The following ZNF892 variants were observed in gnomAD, a reference collection of about 807,000 sequenced individuals.
ZNF892 encodes zinc finger protein 892.
chr2:95,252,487 G>A, the ZNF892 span, among the ~76,000 whole-genome samples: 4 of 152,112 alleles, frequency 2.6e-5, no homozygotes, highest in Non-Finnish European at 4.4e-5. Flanking sequence ...GTCTATCATT[G>A]TTGGACATTT....
At chr2:95,206,434 G>A in the ZNF892 span, among the ~76,000 whole-genome samples, 2 of 152,022 alleles carry the variant, frequency 1.3e-5, no homozygotes, top group Non-Finnish European at 2.9e-5. Flanking sequence ...GAGGAAGGGA[G>A]TTGATTAACT....
At chr2:95,252,064 C>A in the ZNF892 span, among the ~76,000 whole-genome samples, 1 of 152,160 alleles carries the variant, frequency 6.6e-6, no homozygotes, top group Non-Finnish European at 1.5e-5. Flanking sequence ...CAAAGGATTT[C>A]TCAGTGAGGC....
At chr2:95,239,853 C>T in the ZNF892 span, among the ~76,000 whole-genome samples, 14 of 152,176 alleles carry the variant, frequency 9.2e-5, no homozygotes, top group Non-Finnish European at 2.1e-4. Context: ...TTGTCTTGAA[C>T]TCCTGACCTC....
chr2:95,225,715 T>TA, the ZNF892 span, among the ~76,000 whole-genome samples: 6 of 152,206 alleles, frequency 3.9e-5, no homozygotes, highest in African/African-American at 1.4e-4. Flanking sequence ...ACTGATTTCA[T>TA]AATCAACTTC....
the ZNF892 span, among the ~76,000 whole-genome samples, chr2:95,217,706 C>T: frequency 6.6e-6 from 1 of 152,194 alleles, no homozygotes; most frequent in Non-Finnish European, 1.5e-5. Flanking sequence ...GCCTTCGTTT[C>T]GTCAGATCTT....
At chr2:95,207,819 G>A in the ZNF892 span, 3 of 398,712 alleles carry the variant, frequency 7.5e-6, no homozygotes, top group Middle Eastern at 6.3e-4. Context: ...AGTCTCCATG[G>A]AACCTGAGGG....
the ZNF892 span, among the ~76,000 whole-genome samples, chr2:95,250,671 ATAAATATAAACTATTCATAAATTATAAAT>A: frequency 1.9e-4 from 27 of 141,060 alleles, no homozygotes; most frequent in African/African-American, 6.8e-4. Flanking sequence ...TTATAAATTT[ATAAATATAAACTATTCATAAATTATAAAT>A]TTATAAATAT....
At chr2:95,244,451 A>G in the ZNF892 span, among the ~76,000 whole-genome samples, 3 of 152,212 alleles carry the variant, frequency 2.0e-5, no homozygotes, top group African/African-American at 7.2e-5. Context: ...AAAAAAGACA[A>G]GGGCATTACG....
the ZNF892 span, among the ~76,000 whole-genome samples, chr2:95,253,450 T>G: frequency 6.6e-6 from 1 of 152,248 alleles, no homozygotes; most frequent in South Asian, 2.1e-4. Context: ...TATATATCTG[T>G]TTTGGTACCA....
At chr2:95,233,457 A>T in the ZNF892 span, among the ~76,000 whole-genome samples, 6 of 150,870 alleles carry the variant, frequency 4.0e-5, no homozygotes, top group South Asian at 1.3e-3. Flanking sequence ...GTGGATCACG[A>T]AGTCAGGAGA....
chr2:95,223,699 C>T, the ZNF892 span, among the ~76,000 whole-genome samples: 1 of 152,310 alleles, frequency 6.6e-6, no homozygotes, highest in Admixed American at 6.5e-5. Context: ...CTCTGCTCCA[C>T]CACAGACTTA....
the ZNF892 span, among the ~76,000 whole-genome samples, chr2:95,246,979 C>T: frequency 6.6e-6 from 1 of 152,190 alleles, no homozygotes; most frequent in African/African-American, 2.4e-5. Flanking sequence ...CTACCATCAA[C>T]ATTCTTTACA....
the ZNF892 span, chr2:95,215,310 T>G: frequency 4.3e-6 from 2 of 468,884 alleles, no homozygotes; most frequent in East Asian, 6.5e-5. Flanking sequence ...TGCCAAAGCC[T>G]TCAGTGACCG....
chr2:95,239,468 T>C, the ZNF892 span, among the ~76,000 whole-genome samples: 1 of 152,214 alleles, frequency 6.6e-6, no homozygotes, highest in Non-Finnish European at 1.5e-5. Flanking sequence ...AAAGAGCCAA[T>C]TGATGTGGCA....
chr2:95,215,197 C>T, the ZNF892 span: 13 of 454,692 alleles, frequency 2.9e-5, no homozygotes, highest in African/African-American at 2.6e-4. Context: ...GGGGAGCGGC[C>T]ATATGAGTGT....
chr2:95,250,813 A>G, the ZNF892 span, among the ~76,000 whole-genome samples: 1 of 146,096 alleles, frequency 6.8e-6, no homozygotes, highest in Non-Finnish European at 1.5e-5. Flanking sequence ...TAAATTATAA[A>G]TAATTATAAA....
At chr2:95,248,619 A>T in the ZNF892 span, among the ~76,000 whole-genome samples, 1 of 152,198 alleles carries the variant, frequency 6.6e-6, no homozygotes, top group Non-Finnish European at 1.5e-5. Flanking sequence ...ATCTCTTATT[A>T]GGAATAGACC....
chr2:95,263,044 G>A, the ZNF892 span, among the ~76,000 whole-genome samples: 1 of 152,186 alleles, frequency 6.6e-6, no homozygotes, highest in Non-Finnish European at 1.5e-5. Context: ...AGACTTTAAG[G>A]TAGGGGATCA....
the ZNF892 span, among the ~76,000 whole-genome samples, chr2:95,251,996 G>A: frequency 6.6e-6 from 1 of 152,304 alleles, no homozygotes; most frequent in African/African-American, 2.4e-5. Context: ...AAGGGACAAG[G>A]AAAAACCTTG....
Sources: allele counts gnomAD v4.1 joint callset (sites outside exome capture counted in the v4.1 genomes callset), GRCh38; gene constraint gnomAD v4.1.1; transcripts MANE v1.5; gene names NCBI Gene and HGNC (gene_info 2026-07-23, HGNC 2026-07-21).